Variants in STXBP5L observed in about 807,000 individuals in gnomAD.
STXBP5L encodes the protein syntaxin binding protein 5L.
STXBP5L carries 65 observed loss-of-function variants against 144.5 expected under a neutral mutation model. That is an observed-to-expected ratio of 0.45 (90% CI 0.37 to 0.55). STXBP5L has a LOEUF of 0.55. Ranked by LOEUF, STXBP5L falls within the 20% of genes least tolerant of loss-of-function variation. The pLI, the probability that STXBP5L is intolerant of heterozygous loss-of-function variation, is 0.00. For missense variants in STXBP5L, 1,298 were observed against 1,405.5 expected (o/e 0.92, Z 1.22); for synonymous variants, 505 against 469.6 (o/e 1.08, Z -0.97).
chr3:121,392,324 G>A (rs908747393), intron 22 of STXBP5L, among the ~76,000 whole-genome samples: 1 of 152,164 alleles, frequency 6.6e-6, no homozygotes, highest in African/African-American at 2.4e-5. Context: ...CCTTGGCTAG[G>A]AAAGGGAAAT....
At chr3:121,026,910 G>T (rs1239406807) in intron 3 of STXBP5L, among the ~76,000 whole-genome samples, 1 of 151,668 alleles carries the variant, frequency 6.6e-6, no homozygotes, top group Non-Finnish European at 1.5e-5. Context: ...ATTCCAAGCA[G>T]CCCTCACTTC....
At chr3:121,410,705 T>C (rs1484036268) in intron 23 of STXBP5L, among the ~76,000 whole-genome samples, 5 of 152,046 alleles carry the variant, frequency 3.3e-5, no homozygotes, top group African/African-American at 2.4e-5. Context: ...TATCTTTGTA[T>C]GAATTCTCAA....
At chr3:121,408,866 G>A (rs1328038860) in intron 23 of STXBP5L, among the ~76,000 whole-genome samples, 1 of 151,840 alleles carries the variant, frequency 6.6e-6, no homozygotes, top group Non-Finnish European at 1.5e-5. Flanking sequence ...AATGGAAGTT[G>A]TTAAATCTCG....
intron 20 of STXBP5L, among the ~76,000 whole-genome samples, chr3:121,329,465 G>A (rs1281682789): frequency 6.6e-6 from 1 of 152,206 alleles, no homozygotes; most frequent in Non-Finnish European, 1.5e-5. Flanking sequence ...GTTTGAGCTT[G>A]AATAGGAGGA....
intron 19 of STXBP5L, among the ~76,000 whole-genome samples, chr3:121,300,884 A>G (rs1394862956): frequency 1.3e-5 from 2 of 152,198 alleles, no homozygotes; most frequent in Non-Finnish European, 2.9e-5. Context: ...TATCAAAAAC[A>G]GTGTATATGC....
At chr3:121,264,543 G>A (rs1241119008) in intron 18 of STXBP5L, among the ~76,000 whole-genome samples, 2 of 152,064 alleles carry the variant, frequency 1.3e-5, no homozygotes, top group African/African-American at 4.8e-5. Flanking sequence ...AAAGACCATC[G>A]ACACTAAGAA....
intron 5 of STXBP5L, among the ~76,000 whole-genome samples, chr3:121,048,703 T>TG: frequency 6.6e-6 from 1 of 151,776 alleles, no homozygotes; most frequent in Admixed American, 6.6e-5. Context: ...TTTTTTTTTT[T>TG]AAGACAGAGT....
intron 22 of STXBP5L, 95 bp from the exon 23 acceptor site, chr3:121,407,148 C>T (rs2047010310): frequency 7.0e-7 from 1 of 1,424,662 alleles, no homozygotes; most frequent in African/African-American, 1.4e-5. Flanking sequence ...TATTATGACT[C>T]TATAGGTATA....
At chr3:121,065,801 G>C (rs922015011) in intron 5 of STXBP5L, among the ~76,000 whole-genome samples, 3 of 152,134 alleles carry the variant, frequency 2.0e-5, no homozygotes, top group Non-Finnish European at 4.4e-5. Context: ...AGGGCTGTGC[G>C]ATTTTCTGAG....
intron 9 of STXBP5L, among the ~76,000 whole-genome samples, chr3:121,198,477 C>T (rs994720358): frequency 6.6e-6 from 1 of 152,138 alleles, no homozygotes; most frequent in African/African-American, 2.4e-5. Context: ...TGCAGAAACT[C>T]ATAAGTTTGA....
intron 18 of STXBP5L, among the ~76,000 whole-genome samples, chr3:121,259,448 C>G (rs921012894): frequency 2.0e-5 from 3 of 151,272 alleles, no homozygotes; most frequent in African/African-American, 7.3e-5. Context: ...GTCTTTTTTT[C>G]TCTTTATATT....
At chr3:121,003,749 C>G (rs958201207) in intron 3 of STXBP5L, among the ~76,000 whole-genome samples, 1 of 152,142 alleles carries the variant, frequency 6.6e-6, no homozygotes, top group African/African-American at 2.4e-5. Context: ...AGGAAGGGAT[C>G]CAGTTTCAGC....
At chr3:121,070,456 A>C (rs1008548279) in intron 5 of STXBP5L, among the ~76,000 whole-genome samples, 1 of 152,164 alleles carries the variant, frequency 6.6e-6, no homozygotes, top group Admixed American at 6.5e-5. Flanking sequence ...GGGGTGTCAC[A>C]CTTTGCAGCA....
At chr3:120,921,016 G>A (rs1272163216) in intron 2 of STXBP5L, among the ~76,000 whole-genome samples, 13 of 151,436 alleles carry the variant, frequency 8.6e-5, no homozygotes, top group Admixed American at 6.6e-4. Flanking sequence ...TAGTGCAATT[G>A]CTGGTTGTTC....
intron 2 of STXBP5L, among the ~76,000 whole-genome samples, chr3:120,917,830 G>A (rs1005437171): frequency 6.6e-6 from 1 of 152,140 alleles, no homozygotes; most frequent in Non-Finnish European, 1.5e-5. Context: ...GTCCTTTCAG[G>A]TAAATAAAAG....
intron 3 of STXBP5L, among the ~76,000 whole-genome samples, chr3:120,983,136 G>T (rs889157680): frequency 2.6e-5 from 4 of 152,206 alleles, no homozygotes; most frequent in Admixed American, 2.6e-4. Flanking sequence ...TGCCTGACCT[G>T]CCTGCTTCTT....
intron 5 of STXBP5L, among the ~76,000 whole-genome samples, chr3:121,052,396 C>T (rs1236752456): frequency 6.6e-6 from 1 of 152,274 alleles, no homozygotes; most frequent in East Asian, 1.9e-4. Context: ...GCTTATCCAC[C>T]ATGATCAAGT....
At chr3:120,936,875 T>C (rs1207899691) in intron 2 of STXBP5L, among the ~76,000 whole-genome samples, 1 of 152,150 alleles carries the variant, frequency 6.6e-6, no homozygotes, top group Non-Finnish European at 1.5e-5. Flanking sequence ...TCCCCTGTTA[T>C]TATAGGAGCC....
intron 5 of STXBP5L, among the ~76,000 whole-genome samples, chr3:121,061,886 G>C (rs1374083080): frequency 2.0e-5 from 3 of 151,766 alleles, no homozygotes; most frequent in African/African-American, 7.3e-5. Flanking sequence ...TGGGTCTCCT[G>C]AATACAACAC....
Sources: allele counts gnomAD v4.1 joint callset (sites outside exome capture counted in the v4.1 genomes callset), GRCh38; gene constraint gnomAD v4.1.1; transcripts MANE v1.5; gene names NCBI Gene and HGNC (gene_info 2026-07-23, HGNC 2026-07-21).